Variants in MRI1 observed in about 807,000 individuals in gnomAD.
MRI1 encodes methylthioribose-1-phosphate isomerase.
In MRI1, 32 loss-of-function variants were observed where a neutral mutation model predicts 27.3. That is an observed-to-expected ratio of 1.17 (90% CI 0.88 to 1.57). The LOEUF is 1.57. Among genes scored for constraint, MRI1 ranks in the 40% most tolerant of loss-of-function variants. The probability of loss-of-function intolerance (pLI) is 0.00; values close to 1 mark genes in which losing one functional copy is unlikely to be tolerated. For synonymous variants in MRI1, 216 were observed against 227.4 expected (o/e 0.95, Z 0.45); for missense variants, 508 against 516.1 (o/e 0.98, Z 0.15).
rs1366650338 is a variant in MRI1, at chr19:13,764,568, G to T, written c.-21G>T. 1.9e-6 allele frequency: 3 copies of T among 1,603,548 alleles called. No homozygotes were observed. Among genetic ancestry groups the T allele is most frequent in the Non-Finnish European group, 1.7e-6 (2 of 1,176,276 alleles). On this transcript the variant is annotated 5_prime_UTR_variant, in exon 1 of 6. Transcript: ENST00000040663. ...GGACCCCTAGCTCCCTCTGAGTTGC[G>T]CTGGGCTTGGCTGCTGCACCATGAC...
intron 5 of MRI1, among the ~76,000 whole-genome samples, chr19:13,771,016 C>T (rs1392354678): frequency 6.6e-6 from 1 of 151,854 alleles, no homozygotes; most frequent in African/African-American, 2.4e-5. Context: ...CACTTGAGCT[C>T]AGGAGTTCAA....
Position 13,764,559 on chromosome 19 carries a change from CTGAGT to C in MRI1, c.-27_-23del. On this transcript the variant is annotated 5_prime_UTR_variant, in exon 1 of 6. Coordinates refer to ENST00000040663, the MANE Select transcript of MRI1 (RefSeq NM_001031727.4). ...AGTGCGCGCGGACCCCTAGCTCCCTCTGAGTTGCGCTGGGCTTGGCTGCTGCACCA... is the reference window on the plus strand; with the variant it reads ...AGTGCGCGCGGACCCCTAGCTCCCTCTGCGCTGGGCTTGGCTGCTGCACCA... 1 of 1,601,258 alleles carries C rather than the reference CTGAGT, an allele frequency of 6.2e-7. No homozygotes were observed. The highest frequency in any genetic ancestry group is 8.5e-7 in the Non-Finnish European group (1 of 1,175,158).
chr19:13,769,112 T>C (rs999813247), intron 5 of MRI1, 64 bp downstream of exon 5: 15 of 1,338,410 alleles, frequency 1.1e-5, no homozygotes, highest in Non-Finnish European at 1.6e-5. Context: ...GCAGGTGATA[T>C]GCAGGTCCTT....
Position 13,764,575 on chromosome 19 carries a change from T to G in MRI1, c.-14T>G, listed in dbSNP as rs767191030. 3 of 1,605,908 alleles carry G rather than the reference T, an allele frequency of 1.9e-6. No homozygotes were observed. On this transcript the variant is annotated 5_prime_UTR_variant, in exon 1 of 6. Coordinates refer to ENST00000040663, the MANE Select transcript of MRI1 (RefSeq NM_001031727.4). ...TAGCTCCCTCTGAGTTGCGCTGGGCTTGGCTGCTGCACCATGACCCTGGAG... is the reference window on the plus strand; with the variant it reads ...TAGCTCCCTCTGAGTTGCGCTGGGCGTGGCTGCTGCACCATGACCCTGGAG...
At chr19:13,769,903 GA>G (rs1974234540) in intron 5 of MRI1, among the ~76,000 whole-genome samples, 1 of 151,440 alleles carries the variant, frequency 6.6e-6, no homozygotes, top group African/African-American at 2.4e-5. Flanking sequence ...CTGGGCAACA[GA>G]GTGAGATTCT....
intron 3 of MRI1, among the ~76,000 whole-genome samples, chr19:13,767,949 A>C (rs1974177539): frequency 6.9e-6 from 1 of 143,964 alleles, no homozygotes; most frequent in African/African-American, 2.6e-5. Context: ...GCTCACTGCA[A>C]GCTCCGCCTC....
intron 5 of MRI1, 84 bp downstream of exon 5, chr19:13,769,132 C>A: frequency 8.7e-7 from 1 of 1,151,952 alleles, no homozygotes; most frequent in Non-Finnish European, 1.2e-6. Context: ...TGTCATCCTT[C>A]TGGAACATAC....
In MRI1 at chr19:13,772,466, A is replaced by C; in HGVS notation, c.*185A>C. ...CCCAGATTCAAATCCTGACTCCGCC[A>C]CTTTTCCCACTGTATGATCTTGGGC... On this transcript the variant is annotated 3_prime_UTR_variant, in exon 6 of 6. Coordinates refer to ENST00000040663, the MANE Select transcript of MRI1 (RefSeq NM_001031727.4). 2 of 541,646 alleles carry C rather than the reference A, an allele frequency of 3.7e-6. No homozygotes were observed. Among genetic ancestry groups the C allele is most frequent in the Non-Finnish European group, 6.5e-6 (2 of 308,108 alleles). 33.6% of individuals were successfully genotyped at this position (541,646 alleles called of 1,614,324 possible). A position where few individuals can be genotyped will look rare whatever the true frequency, so the allele number is the denominator to read the frequency against.
chr19:13,772,324 A>G lies in MRI1; in HGVS notation c.*43A>G, dbSNP rs773104020. The G allele has an allele frequency of 4.4e-6, 7 of 1,573,896 alleles. No homozygotes were observed. The highest frequency in any genetic ancestry group is 3.6e-5 in the Admixed American group (2 of 55,248). On this transcript the variant is annotated 3_prime_UTR_variant, in exon 6 of 6. Transcript: ENST00000040663. ...AGCCTGCCTCTCTAGGTTTTTCAAT[A>G]CATTTCTTGAATGGCTACCCAAAAG...
chr19:13,771,361 C>G (rs1173525441), intron 5 of MRI1, among the ~76,000 whole-genome samples: 1 of 150,962 alleles, frequency 6.6e-6, no homozygotes, highest in East Asian at 2.0e-4. Context: ...GAGCAAAACT[C>G]CATCTCAAAA....
intron 2 of MRI1, 25 bp downstream of exon 2, chr19:13,765,134 G>A (rs956835227): frequency 1.0e-5 from 15 of 1,492,664 alleles, no homozygotes; most frequent in Middle Eastern, 1.7e-4. Context: ...TACCAGGCAC[G>A]GCGCTGAGCA....
At chr19:13,771,561 T>TA (rs993872428) in intron 5 of MRI1, among the ~76,000 whole-genome samples, 4 of 151,482 alleles carry the variant, frequency 2.6e-5, no homozygotes, top group East Asian at 2.0e-4. Flanking sequence ...AAAATAAAAC[T>TA]AAAAAAATAA....
chr19:13,771,973 G>C, intron 5 of MRI1, 148 bp from the exon 6 acceptor site: 1 of 665,802 alleles, frequency 1.5e-6, no homozygotes, highest in South Asian at 2.0e-5. Context: ...CAATGTCCAT[G>C]CCTGCATGTA....
intron 5 of MRI1, among the ~76,000 whole-genome samples, chr19:13,771,211 A>AG (rs1974261950): frequency 6.6e-6 from 1 of 151,278 alleles, no homozygotes; most frequent in African/African-American, 2.4e-5. Context: ...TACAAAAAAA[A>AG]AAAACGTTAG....
At chr19:13,767,145 C>A (rs1248405508) in intron 3 of MRI1, among the ~76,000 whole-genome samples, 3 of 145,786 alleles carry the variant, frequency 2.1e-5, no homozygotes, top group African/African-American at 5.0e-5. Flanking sequence ...TTCCCGGGTT[C>A]AAGAGATTCT....
At chr19:13,768,529 G>C in intron 3 of MRI1, 32 bp from the exon 4 acceptor site, 1 of 1,597,008 alleles carries the variant, frequency 6.3e-7, no homozygotes. Flanking sequence ...CCCCTCCCCG[G>C]GGCCTTCTCC....
intron 5 of MRI1, 152 bp downstream of exon 5, chr19:13,769,200 G>C: frequency 1.4e-6 from 1 of 695,778 alleles, no homozygotes; most frequent in South Asian, 2.0e-5. Flanking sequence ...GTCTTGCTCT[G>C]TCCCTCAGGC....
At position 13,767,037 on chromosome 19, in the gene MRI1, A is replaced by ATT. The variant is rs1161584156; in HGVS notation, c.547+936_547+937dup. On this transcript the variant is annotated intron_variant, in intron 3 of 5. Coordinates refer to ENST00000040663, the MANE Select transcript of MRI1 (RefSeq NM_001031727.4). ...TATATATATATATATATATATATAT[A>ATT]TTTTTTTTTTTTTTTTTTTTTTTTT... Among the ~76,000 whole-genome samples the ATT allele has an allele frequency of 1.4e-3, 29 of 21,138 alleles. 1 individual carries two copies. Among genetic ancestry groups the ATT allele is most frequent in the Non-Finnish European group, 1.7e-3 (20 of 12,068 alleles). The allele number at this position is 21,138 out of a possible 152,430, so 13.9% of individuals were successfully genotyped here.
At chr19:13,766,316 G>A (rs1333914720) in intron 3 of MRI1, among the ~76,000 whole-genome samples, 187 bp downstream of exon 3, 1 of 152,220 alleles carries the variant, frequency 6.6e-6, no homozygotes, top group East Asian at 1.9e-4. Context: ...AGTAGCATCA[G>A]GACCTATCTA....
Sources: allele counts gnomAD v4.1 joint callset (sites outside exome capture counted in the v4.1 genomes callset), GRCh38; gene constraint gnomAD v4.1.1; transcripts MANE v1.5; gene names NCBI Gene and HGNC (gene_info 2026-07-23, HGNC 2026-07-21).